Variants in TFPI observed in about 807,000 individuals in gnomAD.
TFPI encodes anti-convertin.
In TFPI, 15 loss-of-function variants were observed where a neutral mutation model predicts 34.6. The ratio of observed to expected loss-of-function variants is 0.43; its 90% CI spans 0.29 to 0.67. The LOEUF (loss-of-function observed/expected upper bound fraction) is 0.67. Among genes scored for constraint, TFPI ranks in the 30% least tolerant of loss-of-function variants. TFPI has a pLI of 0.15. For synonymous variants in TFPI, 105 were observed against 120.1 expected, an observed-to-expected ratio of 0.87 and a Z score of 0.82; for missense variants, 301 against 364.0, an observed-to-expected ratio of 0.83 and a Z score of 1.41.
At chr2:187,536,852 A>G (rs1456120654) in intron 1 of TFPI, among the ~76,000 whole-genome samples, 1 of 152,228 alleles carries the variant, frequency 6.6e-6, no homozygotes, top group African/African-American at 2.4e-5. Flanking sequence ...TCTCAGTCCA[A>G]AATCTCCTTA....
At chr2:187,486,368 C>T (rs1574402108) in intron 4 of TFPI, among the ~76,000 whole-genome samples, 1 of 151,000 alleles carries the variant, frequency 6.6e-6, no homozygotes, top group East Asian at 1.9e-4. Flanking sequence ...TTTATGTTTG[C>T]CAAAAGTGGA....
At chr2:187,539,681 A>G (rs976853804) in intron 1 of TFPI, among the ~76,000 whole-genome samples, 12 of 152,058 alleles carry the variant, frequency 7.9e-5, no homozygotes, top group Non-Finnish European at 5.9e-5. Context: ...AGAGAGCTAG[A>G]AAAAAAATTG....
intron 2 of TFPI, among the ~76,000 whole-genome samples, chr2:187,502,514 A>C (rs984670947): frequency 1.3e-5 from 2 of 152,176 alleles, no homozygotes; most frequent in Non-Finnish European, 2.9e-5. Context: ...ATTGAAACTC[A>C]TAATGTTCAA....
At chr2:187,481,345 A>T (rs1006670890) in intron 6 of TFPI, among the ~76,000 whole-genome samples, 18 of 152,120 alleles carry the variant, frequency 1.2e-4, no homozygotes, top group African/African-American at 4.3e-4. Flanking sequence ...GAATGTATTA[A>T]TATAATTGTA....
intron 6 of TFPI, among the ~76,000 whole-genome samples, chr2:187,481,714 C>CA (rs1692876799): frequency 1.3e-5 from 2 of 151,658 alleles, no homozygotes; most frequent in South Asian, 4.2e-4. Flanking sequence ...GAAAAGGGGT[C>CA]AAATTGGCCG....
chr2:187,487,422 T>C (rs1485931973), intron 4 of TFPI, among the ~76,000 whole-genome samples: 2 of 151,442 alleles, frequency 1.3e-5, no homozygotes, highest in Non-Finnish European at 3.0e-5. Flanking sequence ...GAATTGAGCC[T>C]AAAGATTATC....
At chr2:187,483,856 T>C (rs1377730421) in intron 6 of TFPI, 1 of 397,692 alleles carries the variant, frequency 2.5e-6, no homozygotes, top group Non-Finnish European at 4.5e-6. Context: ...AAATTTGGCA[T>C]AGAGTTAAAT....
At chr2:187,468,814 A>T (rs902704995) in intron 6 of TFPI, among the ~76,000 whole-genome samples, 2 of 152,094 alleles carry the variant, frequency 1.3e-5, no homozygotes, top group African/African-American at 2.4e-5. Flanking sequence ...AAACTGCTTG[A>T]TGTTAATAAA....
At chr2:187,496,805 C>T (rs1051474612) in intron 3 of TFPI, 76 bp downstream of exon 3, 2 of 1,303,598 alleles carry the variant, frequency 1.5e-6, no homozygotes, top group Non-Finnish European at 2.1e-6. Flanking sequence ...TTACTTTTCT[C>T]CCTAAATTAT....
At chr2:187,547,216 G>A (rs1688912785) in intron 1 of TFPI, 1 of 150,046 alleles carries the variant, frequency 6.7e-6, no homozygotes, top group African/African-American at 2.5e-5. Context: ...GGGAAAAAGG[G>A]GGCAAAATCT....
intron 1 of TFPI, among the ~76,000 whole-genome samples, chr2:187,538,572 C>A (rs1424618794): frequency 2.0e-5 from 3 of 152,108 alleles, no homozygotes; most frequent in Admixed American, 1.3e-4. Context: ...ACATCACACA[C>A]CCTGGCCTGT....
At chr2:187,549,852 G>A (rs1181534827) in intron 1 of TFPI, among the ~76,000 whole-genome samples, 1 of 151,728 alleles carries the variant, frequency 6.6e-6, no homozygotes, top group Non-Finnish European at 1.5e-5. Flanking sequence ...TATTAACAGG[G>A]ATTGGATTTT....
At chr2:187,516,760 C>G (rs1687030570) in intron 1 of TFPI, 1 of 152,212 alleles carries the variant, frequency 6.6e-6, no homozygotes, top group African/African-American at 2.4e-5. Flanking sequence ...AGATCCACCC[C>G]TGACCTAACC....
At chr2:187,479,275 A>T (rs1574382355) in intron 6 of TFPI, among the ~76,000 whole-genome samples, 1 of 151,996 alleles carries the variant, frequency 6.6e-6, no homozygotes, top group Non-Finnish European at 1.5e-5. Context: ...AAGCTAAATT[A>T]CCACATGATC....
intron 2 of TFPI, 144 bp downstream of exon 2, chr2:187,503,503 AC>A: frequency 3.3e-6 from 3 of 896,858 alleles, no homozygotes; most frequent in Admixed American, 2.7e-5. Flanking sequence ...ACACACACAT[AC>A]ATTAGGTATA....
chr2:187,536,057 C>T (rs1444573476), intron 1 of TFPI, among the ~76,000 whole-genome samples: 1 of 152,110 alleles, frequency 6.6e-6, no homozygotes, highest in African/African-American at 2.4e-5. Flanking sequence ...CCTGAATAGA[C>T]CAATAACAAG....
At chr2:187,469,613 A>T (rs1045727833) in intron 6 of TFPI, among the ~76,000 whole-genome samples, 3 of 152,128 alleles carry the variant, frequency 2.0e-5, no homozygotes, top group African/African-American at 7.2e-5. Context: ...TGACAAGGGT[A>T]GCTAAAATCT....
intron 1 of TFPI, among the ~76,000 whole-genome samples, chr2:187,539,285 T>C (rs1688444515): frequency 6.6e-6 from 1 of 152,076 alleles, no homozygotes; most frequent in South Asian, 2.1e-4. Context: ...TTGTACACTC[T>C]TTTTTTCTTT....
At chr2:187,512,068 G>C (rs1055470884) in intron 1 of TFPI, among the ~76,000 whole-genome samples, 3 of 152,072 alleles carry the variant, frequency 2.0e-5, no homozygotes, top group Admixed American at 6.5e-5. Context: ...CTTGTTGTCA[G>C]TGTAAACAAG....
Sources: gnomAD v4.1 joint callset for allele counts (sites outside exome capture counted in the v4.1 genomes callset) on GRCh38, gnomAD v4.1.1 for gene constraint, MANE v1.5 for transcripts, NCBI Gene and HGNC (gene_info 2026-07-23, HGNC 2026-07-21) for gene names.